The following EML6 variants were observed in gnomAD, a reference collection of about 807,000 sequenced individuals.
EML6 encodes EMAP like 6.
Under a neutral mutation model 240.1 loss-of-function variants are expected in EML6, and 154 were observed. The observed-to-expected ratio is 0.64, with a 90% CI of 0.56 to 0.73. The LOEUF is 0.73. Among genes scored for constraint, EML6 ranks in the 30% least tolerant of loss-of-function variants. The pLI, the probability that EML6 is intolerant of heterozygous loss-of-function variation, is 0.00. For missense variants in EML6, 2,964 were observed against 2,474.6 expected, an observed-to-expected ratio of 1.20 and a Z score of -4.20; for synonymous variants, 1,148 against 899.0, an observed-to-expected ratio of 1.28 and a Z score of -4.95.
At chr2:54,863,405 C>T (rs961413048) in intron 12 of EML6, among the ~76,000 whole-genome samples, 2 of 152,112 alleles carry the variant, frequency 1.3e-5, no homozygotes, top group African/African-American at 4.8e-5. Context: ...CTCTGTAGTC[C>T]CAGCTGCCAG....
intron 28 of EML6, among the ~76,000 whole-genome samples, chr2:54,939,598 G>C (rs1481615499): frequency 6.6e-6 from 1 of 152,104 alleles, no homozygotes; most frequent in Non-Finnish European, 1.5e-5. Context: ...GCCCCCACTT[G>C]TGGACCAGCA....
At chr2:54,882,995 A>G (rs946995082) in intron 17 of EML6, 141 of 151,954 alleles carry the variant, frequency 9.3e-4, no homozygotes, top group African/African-American at 3.2e-3. Flanking sequence ...CATGCATTTA[A>G]TGACTATGAT....
chr2:54,930,375 AAT>A (rs1262531678), intron 28 of EML6, among the ~76,000 whole-genome samples: 5 of 152,170 alleles, frequency 3.3e-5, no homozygotes. Context: ...TGCCAAACTT[AAT>A]GAAAGGTAGG....
intron 6 of EML6, among the ~76,000 whole-genome samples, chr2:54,828,958 C>G (rs925626277): frequency 6.6e-6 from 1 of 152,176 alleles, no homozygotes; most frequent in African/African-American, 2.4e-5. Flanking sequence ...AGCCTCTTAT[C>G]TCTACTTAAT....
At chr2:54,845,851 T>G (rs1225024334) in intron 8 of EML6, among the ~76,000 whole-genome samples, 2 of 152,206 alleles carry the variant, frequency 1.3e-5, no homozygotes, top group East Asian at 1.9e-4. Context: ...TGCATGTGAC[T>G]TATTCTTGTC....
At chr2:54,939,204 T>C (rs1020240310) in intron 28 of EML6, among the ~76,000 whole-genome samples, 3 of 152,260 alleles carry the variant, frequency 2.0e-5, no homozygotes, top group African/African-American at 7.2e-5. Flanking sequence ...AAATCTCTGC[T>C]TCTAAGCAGT....
In EML6 at chr2:54,943,628, CCT is replaced by C. The variant is rs1675540490; in HGVS notation, c.4005-5247_4005-5246del. ...TTTAACCCCTGAGTCCAGTGACTCTCCTCTCTCTGTCTTACTAAGAGAACTTG... is the reference window on the plus strand; with the variant it reads ...TTTAACCCCTGAGTCCAGTGACTCTCCTCTCTGTCTTACTAAGAGAACTTG... On this transcript the variant is annotated intron_variant, in intron 28 of 41. Transcript: ENST00000356458. Among the ~76,000 whole-genome samples, 14 of 152,238 alleles carry C rather than the reference CCT, an allele frequency of 9.2e-5. No individual in the cohort carries two copies. In the South Asian group the frequency reaches 2.7e-3, roughly 29 times the overall value.
At chr2:54,895,470 C>A (rs1558660848) in intron 21 of EML6, 70 bp downstream of exon 21, 19 of 1,488,946 alleles carry the variant, frequency 1.3e-5, no homozygotes, top group Non-Finnish European at 1.6e-5. Flanking sequence ...AAAGTTGATG[C>A]TTAGGTTGCA....
chr2:54,844,162 G>C lies in EML6; in HGVS notation c.963G>C (p.Gln321His), dbSNP rs1200740969. ...GAGACAAGCCGATGTTGATCCTACA[G>C]GGCCACTGCGAGGGTGAGCTCTGGG... is the stretch of plus-strand genomic sequence containing the variant. ...RERDKPMLIL[Q>H]GHCEGELWAL... Residue 321 changes from glutamine to histidine, a missense_variant, in exon 8 of 42, where the codon CAG becomes CAC. Coordinates refer to ENST00000356458, the MANE Select transcript of EML6 (RefSeq NM_001039753.4). The C allele has an allele frequency of 6.4e-7, 1 of 1,551,744 alleles. No homozygotes were observed. The highest frequency in any genetic ancestry group is 8.7e-7 in the Non-Finnish European group (1 of 1,147,002).
At chr2:54,748,967 A>G (rs1251302227) in intron 2 of EML6, among the ~76,000 whole-genome samples, 1 of 152,204 alleles carries the variant, frequency 6.6e-6, no homozygotes, top group Non-Finnish European at 1.5e-5. Context: ...CTGTTGTAGC[A>G]CACATCCTTA....
rs72917594 is a variant in EML6, at chr2:54,825,151, G to A, written c.526-2415G>A. Reference sequence around the variant, plus strand: ...CTGGAAATATTCAGATAACTCAGACGGGGGGTGTATATCCAAAGTTAAAGG... The same window carrying A: ...CTGGAAATATTCAGATAACTCAGACAGGGGGTGTATATCCAAAGTTAAAGG... On this transcript the variant is annotated intron_variant, in intron 5 of 41. Transcript: ENST00000356458. Among the ~76,000 whole-genome samples the A allele has an allele frequency of 9.5e-3, 1,442 of 152,166 alleles. 31 individuals are homozygous for A. Among genetic ancestry groups the A allele is most frequent in the African/African-American group, 0.033 (1,362 of 41,526 alleles).
intron 26 of EML6, among the ~76,000 whole-genome samples, chr2:54,919,515 G>C (rs17418111): frequency 0.92 from 139,486 of 152,226 alleles, 64,065 homozygotes; most frequent in Middle Eastern, 0.99. Context: ...CCAGTGTTAC[G>C]TTCATTGCCC....
intron 2 of EML6, among the ~76,000 whole-genome samples, chr2:54,797,167 A>AAAAAAAAAAAAAAAAAAAAAAAAAAC (rs1669839577): frequency 6.1e-5 from 7 of 114,078 alleles, no homozygotes; most frequent in Non-Finnish European, 1.2e-4. Context: ...TCCATCTCAA[A>AAAAAAAAAAAAAAAAAAAAAAAAAAC]AAAAAAAAAA....
intron 2 of EML6, among the ~76,000 whole-genome samples, chr2:54,768,171 T>C (rs945703202): frequency 1.3e-5 from 2 of 152,216 alleles, no homozygotes; most frequent in African/African-American, 2.4e-5. Context: ...GAAAAACTTT[T>C]TTTTTTTGAT....
chr2:54,847,431 C>T, intron 8 of EML6, 55 bp from the exon 9 acceptor site: 1 of 1,531,812 alleles, frequency 6.5e-7, no homozygotes, highest in Non-Finnish European at 8.8e-7. Context: ...CTTGGGCTGG[C>T]CGATGACCAT....
intron 2 of EML6, among the ~76,000 whole-genome samples, chr2:54,785,787 T>A (rs1572893838): frequency 6.6e-6 from 1 of 152,266 alleles, no homozygotes; most frequent in East Asian, 1.9e-4. Flanking sequence ...TTTTCAGTAT[T>A]TCTAGGCTAC....
chr2:54,909,271 T>A (rs1274423125), intron 24 of EML6, among the ~76,000 whole-genome samples: 1 of 152,224 alleles, frequency 6.6e-6, no homozygotes, highest in Non-Finnish European at 1.5e-5. Context: ...TGTATTTAGT[T>A]CATCGGAAAA....
intron 2 of EML6, among the ~76,000 whole-genome samples, chr2:54,806,484 G>C (rs113114863): frequency 2.0e-5 from 3 of 151,690 alleles, no homozygotes; most frequent in South Asian, 4.2e-4. Flanking sequence ...GTGGTAGCAC[G>C]TGCCTGTAAT....
At chr2:54,735,927 C>A (rs756156469) in intron 2 of EML6, among the ~76,000 whole-genome samples, 2 of 152,082 alleles carry the variant, frequency 1.3e-5, no homozygotes, top group Non-Finnish European at 2.9e-5. Context: ...GAGGGAAGAC[C>A]CCTGGAGAAA....
Sources: gnomAD v4.1 joint callset for allele counts (sites outside exome capture counted in the v4.1 genomes callset) on GRCh38, gnomAD v4.1.1 for gene constraint, MANE v1.5 for transcripts, NCBI Gene and HGNC (gene_info 2026-07-23, HGNC 2026-07-21) for gene names.